The following ZNF783 variants were observed in gnomAD, a reference collection of about 807,000 sequenced individuals.
The protein encoded by ZNF783 is protein ZNF783.
A neutral mutation model predicts 31.3 loss-of-function variants in ZNF783; 25 were observed. The ratio of observed to expected loss-of-function variants is 0.80; its 90% CI spans 0.58 to 1.11. ZNF783 has a LOEUF of 1.11. ZNF783 is among the 50% of genes most tolerant of loss of function. The pLI is 0.00. For synonymous variants in ZNF783, 369 were observed against 319.1 expected, an observed-to-expected ratio of 1.16 and a Z score of -1.66; for missense variants, 797 against 760.0, an observed-to-expected ratio of 1.05 and a Z score of -0.57.
intron 1 of ZNF783, among the ~76,000 whole-genome samples, chr7:149,263,021 C>T (rs1229918212): frequency 6.6e-6 from 1 of 151,980 alleles, no homozygotes; most frequent in Non-Finnish European, 1.5e-5. Flanking sequence ...CTCCGCCTCC[C>T]GGCTTCAAGG....
rs768275364 is a variant in ZNF783 at position 149,267,169 on chromosome 7, G to A, written c.620G>A (p.Gly207Asp). The A allele has an allele frequency of 6.3e-7, 1 of 1,599,320 alleles. No homozygotes were observed. The highest frequency in any genetic ancestry group is 8.5e-7 in the Non-Finnish European group (1 of 1,179,710). Residue 207 changes from glycine to aspartate, a missense_variant, in exon 4 of 6, where the codon GGC becomes GAC. Physicochemically the swap from Gly to Asp is moderately conservative, Grantham distance 94. Transcript: ENST00000434415. ...GAGGAGCCTTGTCTTGACCGGTGGG[G>A]CCAGGAGAAGGGGAATGAAGTAGAG... is the stretch of plus-strand genomic sequence containing the variant. ...RGEEPCLDRW[G>D]QEKGNEVEVG...
chr7:149,279,502 G>A (rs966676840), intron 5 of ZNF783, among the ~76,000 whole-genome samples: 1 of 152,182 alleles, frequency 6.6e-6, no homozygotes, highest in South Asian at 2.1e-4. Flanking sequence ...AGGGACTTGC[G>A]CACGTCCAGG....
intron 4 of ZNF783, among the ~76,000 whole-genome samples, chr7:149,274,439 C>T (rs2129525019): frequency 6.6e-6 from 1 of 151,446 alleles, no homozygotes; most frequent in Non-Finnish European, 1.5e-5. Flanking sequence ...AGTCTTGGCT[C>T]ACTGCAACCT....
Position 149,276,445 on chromosome 7 carries a change from A to G in ZNF783, c.674-1954A>G, listed in dbSNP as rs528161901. ...CGTCTTTAGGCTTGTCATGAAAGCA[A>G]CATTTTTAGGGGCAGTGTAACCCGT... is the stretch of plus-strand genomic sequence containing the variant. On this transcript the variant is annotated intron_variant, in intron 4 of 5. Transcript: ENST00000434415. 44 of 986,116 alleles carry G rather than the reference A, an allele frequency of 4.5e-5. No individual in the cohort carries two copies. The South Asian group carries it at 1.7e-3, about 39-fold the overall frequency. The allele number at this position is 986,116 out of a possible 1,614,324, so 61.1% of individuals were successfully genotyped here.
At chr7:149,266,251 T>G (rs1585607667) in intron 1 of ZNF783, 84 bp from the exon 2 acceptor site, 4 of 1,414,736 alleles carry the variant, frequency 2.8e-6, no homozygotes. Flanking sequence ...CCATGGCAGG[T>G]GTCATTTCCG....
chr7:149,263,263 T>C (rs1563192761), intron 1 of ZNF783, among the ~76,000 whole-genome samples: 1 of 102,938 alleles, frequency 9.7e-6, no homozygotes, highest in African/African-American at 4.5e-5. Flanking sequence ...TATATATATA[T>C]ACGTGTGTGT....
chr7:149,269,554 T>C (rs1585611301), intron 4 of ZNF783, among the ~76,000 whole-genome samples: 3 of 152,350 alleles, frequency 2.0e-5, no homozygotes, highest in African/African-American at 7.2e-5. Flanking sequence ...TAATTTGAGG[T>C]CTTACATTTA....
intron 1 of ZNF783, among the ~76,000 whole-genome samples, chr7:149,263,241 T>G (rs1466362114): frequency 6.6e-6 from 1 of 151,248 alleles, no homozygotes; most frequent in East Asian, 1.9e-4. Flanking sequence ...TAAAATTTTT[T>G]AATTAAAAAA....
At chr7:149,267,616 T>C (rs1410986385) in intron 4 of ZNF783, among the ~76,000 whole-genome samples, 1 of 152,048 alleles carries the variant, frequency 6.6e-6, no homozygotes, top group African/African-American at 2.4e-5. Flanking sequence ...GTTAACATAG[T>C]GAAACCCCTT....
At chr7:149,262,523 C>T (rs945182294) in intron 1 of ZNF783, among the ~76,000 whole-genome samples, 166 bp downstream of exon 1, 8 of 152,216 alleles carry the variant, frequency 5.3e-5, no homozygotes, top group Admixed American at 4.6e-4. Flanking sequence ...AAGGCATTGA[C>T]CGGGCGGCCC....
At position 149,262,352 on chromosome 7, in the gene ZNF783, GC is replaced by G; in HGVS notation, c.22del (p.Arg8GlyfsTer54). The G allele has an allele frequency of 7.5e-7, 1 of 1,326,874 alleles. No homozygotes were observed. Among genetic ancestry groups the G allele is most frequent in the Non-Finnish European group, 9.7e-7 (1 of 1,034,538 alleles). 82.2% of individuals were successfully genotyped at this position (1,326,874 alleles called of 1,614,324 possible). On this transcript the variant is annotated frameshift_variant, in exon 1 of 6. Transcript: ENST00000434415. LOFTEE classifies it high-confidence loss of function. ...GGCAGCCATGGCCGAAGCGGCGCCTGCCCGGGTAAGCGCCCTCGGCCCCGCG... is the reference window on the plus strand; with the variant it reads ...GGCAGCCATGGCCGAAGCGGCGCCTGCCGGGTAAGCGCCCTCGGCCCCGCG... MAEAAP[A>X]RDPETDKHTE...
chr7:149,271,971 G>A (rs772463249), intron 4 of ZNF783, among the ~76,000 whole-genome samples: 2 of 152,132 alleles, frequency 1.3e-5, no homozygotes, highest in African/African-American at 2.4e-5. Context: ...CAGGGAGTAC[G>A]TTGTGCATAA....
Position 149,262,277 on chromosome 7 carries a change from C to A in ZNF783, c.-57C>A. On this transcript the variant is annotated 5_prime_UTR_variant, in exon 1 of 6. Transcript: ENST00000434415. ...GCTTCCGCCGTCGCTGCCGCGCCGC[C>A]CCGGGCCCGACAGGCCGGGTCCAGG... The A allele has an allele frequency of 7.5e-7, 1 of 1,327,318 alleles. No homozygotes were observed. The allele number at this position is 1,327,318 out of a possible 1,614,324, so 82.2% of individuals were successfully genotyped here.
At chr7:149,267,482 T>C (rs927126827) in intron 4 of ZNF783, among the ~76,000 whole-genome samples, 1 of 152,194 alleles carries the variant, frequency 6.6e-6, no homozygotes, top group Non-Finnish European at 1.5e-5. Context: ...GTGTTAAGCA[T>C]GTACATACTG....
chr7:149,279,250 C>T (rs1797403170), intron 5 of ZNF783, among the ~76,000 whole-genome samples: 2 of 152,222 alleles, frequency 1.3e-5, no homozygotes, highest in South Asian at 4.1e-4. Context: ...GGGCTCTGCT[C>T]ATGGAGTTGG....
chr7:149,266,303 A>C (rs1157158042), intron 1 of ZNF783, 32 bp from the exon 2 acceptor site: 1 of 1,504,178 alleles, frequency 6.6e-7, no homozygotes, highest in Admixed American at 2.3e-5. Flanking sequence ...TATAATTCTC[A>C]TAACATCTCT....
At chr7:149,265,486 G>A (rs1347604807) in intron 1 of ZNF783, among the ~76,000 whole-genome samples, 1 of 152,142 alleles carries the variant, frequency 6.6e-6, no homozygotes, top group Non-Finnish European at 1.5e-5. Flanking sequence ...TTTGCAGACG[G>A]CTGCCTTCTC....
In ZNF783 at chr7:149,267,204, C is replaced by A. The variant is rs763382105; in HGVS notation, c.655C>A (p.Pro219Thr). The A allele has an allele frequency of 1.3e-6, 2 of 1,596,720 alleles. No homozygotes were observed. Among genetic ancestry groups the A allele is most frequent in the Admixed American group, 1.7e-5 (1 of 59,730 alleles). The change falls in exon 4 of 6, where the codon CCA (proline) becomes ACA (threonine). Residue 219 changes from proline to threonine, a missense_variant. By Grantham distance (38) the Pro-to-Thr change is conservative (BLOSUM62 -1). Transcript: ENST00000434415. ...GGGGAATGAAGTAGAGGTGGGACGT[C>A]CAAGGATGATGGGCACTGGTAAGTA... ...EKGNEVEVGR[P>T]RMMGTGLPPY... is the part of the protein sequence containing the mutation.
chr7:149,268,137 A>G (rs1447925295), intron 4 of ZNF783, among the ~76,000 whole-genome samples: 1 of 152,154 alleles, frequency 6.6e-6, no homozygotes, highest in Non-Finnish European at 1.5e-5. Flanking sequence ...CCAAAACTCA[A>G]CACTCTGCTG....
Sources: gnomAD v4.1 joint callset for allele counts (sites outside exome capture counted in the v4.1 genomes callset) on GRCh38, gnomAD v4.1.1 for gene constraint, MANE v1.5 for transcripts, NCBI Gene and HGNC (gene_info 2026-07-23, HGNC 2026-07-21) for gene names.